Variants in PCNX2 observed in about 807,000 individuals in gnomAD.
PCNX2 encodes pecanex-like protein 2.
Under a neutral mutation model 223.8 loss-of-function variants are expected in PCNX2, and 168 were observed. That is an observed-to-expected ratio of 0.75 (90% CI 0.66 to 0.85). The LOEUF (loss-of-function observed/expected upper bound fraction) is 0.85, where lower values mean the gene tolerates loss of function less well. Among genes scored for constraint, PCNX2 ranks in the 40% least tolerant of loss-of-function variants. The probability of loss-of-function intolerance (pLI) is 0.00; values close to 1 mark genes in which losing one functional copy is unlikely to be tolerated. For synonymous variants in PCNX2, 1,006 were observed against 1,052.6 expected (o/e 0.96, Z 0.86); for missense variants, 2,507 against 2,675.5 (o/e 0.94, Z 1.39).
intron 19 of PCNX2, among the ~76,000 whole-genome samples, chr1:233,145,057 C>T (rs1389670897): frequency 4.6e-5 from 7 of 151,300 alleles, no homozygotes; most frequent in African/African-American, 9.7e-5. Flanking sequence ...CTCCGTCTCC[C>T]GGGTTCAAGC....
At chr1:233,115,701 T>C (rs1675368454) in intron 21 of PCNX2, among the ~76,000 whole-genome samples, 1 of 152,094 alleles carries the variant, frequency 6.6e-6, no homozygotes, top group African/African-American at 2.4e-5. Flanking sequence ...AGGAGATGTA[T>C]GAGAGTTCTA....
At chr1:233,147,957 C>G (rs975566193) in intron 19 of PCNX2, among the ~76,000 whole-genome samples, 2 of 152,186 alleles carry the variant, frequency 1.3e-5, no homozygotes, top group African/African-American at 4.8e-5. Flanking sequence ...AAAACCTTTA[C>G]TATTATTTTT....
intron 25 of PCNX2, among the ~76,000 whole-genome samples, chr1:233,052,684 C>T (rs1366806371): frequency 6.6e-6 from 1 of 152,170 alleles, no homozygotes; most frequent in Non-Finnish European, 1.5e-5. Flanking sequence ...GTGGGGGCTT[C>T]ATTTCTGTAT....
intron 25 of PCNX2, among the ~76,000 whole-genome samples, chr1:233,035,231 A>T (rs1023966510): frequency 3.3e-5 from 5 of 152,210 alleles, no homozygotes; most frequent in African/African-American, 1.2e-4. Context: ...CATTTTCAAG[A>T]TTGGGCTTCT....
Position 233,113,112 on chromosome 1 carries a change from C to T in PCNX2, c.3838-17249G>A, listed in dbSNP as rs74440061. ...CTGTGGTCACAACGCAGTGAGCTGG[C>T]CAGTTGGGTGACATCAGCTTGTCAT... On this transcript the variant is annotated intron_variant, in intron 21 of 33. Coordinates refer to ENST00000258229, the MANE Select transcript of PCNX2 (RefSeq NM_014801.4). 143 of 877,614 alleles carry T rather than the reference C, an allele frequency of 1.6e-4. 2 individuals are homozygous for T. In the East Asian group the frequency reaches 8.8e-3, roughly 54 times the overall value. The allele number at this position is 877,614 out of a possible 1,614,324, so 54.4% of individuals were successfully genotyped here. A position where few individuals can be genotyped will look rare whatever the true frequency, so the allele number is the denominator to read the frequency against.
chr1:233,308,916 G>C, the PCNX2 span, among the ~76,000 whole-genome samples: 1 of 152,070 alleles, frequency 6.6e-6, no homozygotes, highest in African/African-American at 2.4e-5. Context: ...AAGTGTAAAT[G>C]GCTTTAACTT....
intron 23 of PCNX2, among the ~76,000 whole-genome samples, chr1:233,068,544 T>C (rs1220439420): frequency 1.3e-5 from 2 of 152,112 alleles, no homozygotes; most frequent in Non-Finnish European, 2.9e-5. Flanking sequence ...TCTAAGTGTA[T>C]ATACAGAAAA....
intron 28 of PCNX2, among the ~76,000 whole-genome samples, 157 bp downstream of exon 28, chr1:233,014,508 G>A (rs1328063314): frequency 2.0e-5 from 3 of 152,070 alleles, no homozygotes; most frequent in Non-Finnish European, 4.4e-5. Flanking sequence ...CAAAAAAAAT[G>A]TTCATGTAGG....
chr1:233,074,073 TTGTG>T (rs1430268076), intron 23 of PCNX2, among the ~76,000 whole-genome samples: 1 of 151,638 alleles, frequency 6.6e-6, no homozygotes, highest in African/African-American at 2.4e-5. Flanking sequence ...GAACCATTGG[TTGTG>T]TGTTTTAATT....
At chr1:233,192,208 G>T (rs1258173621) in intron 15 of PCNX2, among the ~76,000 whole-genome samples, 2 of 152,210 alleles carry the variant, frequency 1.3e-5, no homozygotes, top group Non-Finnish European at 2.9e-5. Flanking sequence ...GGGCAGCCAA[G>T]TGACATATAT....
intron 33 of PCNX2, 41 bp from the exon 34 acceptor site, chr1:232,984,518 C>T (rs768077093): frequency 3.9e-5 from 62 of 1,585,930 alleles, no homozygotes; most frequent in East Asian, 9.0e-5. Flanking sequence ...GCTCAGCAAA[C>T]GTTCACTACC....
Position 233,292,909 on chromosome 1 carries a change from T to C in PCNX2, c.153+2417A>G, listed in dbSNP as rs1661855460. 2.6e-5 allele frequency among the ~76,000 whole-genome samples: 4 copies of C among 152,212 alleles called. 1 individual carries two copies. The South Asian group carries it at 8.3e-4, about 31-fold the overall frequency. On this transcript the variant is annotated intron_variant, in intron 1 of 33. Coordinates refer to ENST00000258229, the MANE Select transcript of PCNX2 (RefSeq NM_014801.4). ...TTAAAGGCATGCTGGCATAGAGATA[T>C]AACAATTTGGGCATATCTGTTTTTT...
intron 17 of PCNX2, among the ~76,000 whole-genome samples, chr1:233,170,370 T>C (rs1339589826): frequency 6.6e-6 from 1 of 152,170 alleles, no homozygotes; most frequent in Non-Finnish European, 1.5e-5. Flanking sequence ...GTCGGTGTGA[T>C]TTTAATTTGG....
intron 23 of PCNX2, among the ~76,000 whole-genome samples, chr1:233,086,375 C>T (rs575482614): frequency 1.3e-5 from 2 of 152,206 alleles, no homozygotes; most frequent in Admixed American, 6.5e-5. Context: ...AATTCAGTTC[C>T]AGCCGGGTGC....
intron 21 of PCNX2, among the ~76,000 whole-genome samples, chr1:233,129,129 G>A (rs1339990499): frequency 2.6e-5 from 4 of 152,262 alleles, no homozygotes; most frequent in Non-Finnish European, 4.4e-5. Context: ...GGAGGGAGAG[G>A]CGTGGGCGGG....
At position 233,073,283 on chromosome 1, in the gene PCNX2, T is replaced by C. The variant is rs936878645; in HGVS notation, c.4077-15993A>G. On this transcript the variant is annotated intron_variant, in intron 23 of 33. Coordinates refer to ENST00000258229, the MANE Select transcript of PCNX2 (RefSeq NM_014801.4). ...TAGTACGTTGAGTCTTGTTTTTAAC[T>C]TGGCCATTCTAGCTAAAGGTTTGTC... Among the ~76,000 whole-genome samples the C allele has an allele frequency of 1.3e-4, 20 of 152,312 alleles. No individual in the cohort carries two copies. The East Asian group carries it at 3.5e-3, about 26-fold the overall frequency.
At chr1:233,243,662 A>T (rs1658919922) in intron 8 of PCNX2, among the ~76,000 whole-genome samples, 1 of 152,170 alleles carries the variant, frequency 6.6e-6, no homozygotes, top group Non-Finnish European at 1.5e-5. Context: ...ATATTTTGTT[A>T]TAAAAATCAA....
At chr1:233,206,578 G>T (rs2102906922) in intron 13 of PCNX2, among the ~76,000 whole-genome samples, 1 of 152,272 alleles carries the variant, frequency 6.6e-6, no homozygotes, top group South Asian at 2.1e-4. Context: ...AAAATATCAG[G>T]AAGGATAGAA....
intron 22 of PCNX2, among the ~76,000 whole-genome samples, chr1:233,091,761 T>C (rs988948979): frequency 2.6e-5 from 4 of 151,344 alleles, no homozygotes; most frequent in Non-Finnish European, 5.9e-5. Flanking sequence ...CATGATTTTT[T>C]TTTTTTCAAG....
Sources: allele counts gnomAD v4.1 joint callset (sites outside exome capture counted in the v4.1 genomes callset), GRCh38; gene constraint gnomAD v4.1.1; transcripts MANE v1.5; gene names NCBI Gene and HGNC (gene_info 2026-07-23, HGNC 2026-07-21).